The following CENPI variants were observed in gnomAD, a reference collection of about 807,000 sequenced individuals.
CENPI encodes FSH primary response 1.
CENPI carries 4 observed loss-of-function variants against 60.4 expected under a neutral mutation model. The ratio of observed to expected loss-of-function variants is 0.07; its 90% CI spans 0.03 to 0.15. The LOEUF is 0.15. CENPI is among the 10% of genes least tolerant of loss of function. The probability of loss-of-function intolerance (pLI) is 1.00; values close to 1 mark genes in which losing one functional copy is unlikely to be tolerated. For synonymous variants in CENPI, 157 were observed against 189.4 expected, an observed-to-expected ratio of 0.83 and a Z score of 1.40; for missense variants, 444 against 534.5, an observed-to-expected ratio of 0.83 and a Z score of 1.67.
chrX:101,124,919 TACA>T (rs2089719117), intron 8 of CENPI, among the ~76,000 whole-genome samples: 1 of 111,654 alleles, frequency 9.0e-6, no homozygotes, highest in African/African-American at 3.3e-5. Context: ...AGTGGGCTAA[TACA>T]TCATCACAGG....
At chrX:101,141,004 T>C in intron 16 of CENPI, 2 of 257,859 alleles carry the variant, frequency 7.8e-6, no homozygotes, top group Non-Finnish European at 1.4e-5. Flanking sequence ...CAAGAGTTAA[T>C]ATAACAAAAC....
chrX:101,103,579 G>A (rs1039603280), intron 4 of CENPI, among the ~76,000 whole-genome samples: 4 of 111,391 alleles, frequency 3.6e-5, no homozygotes, highest in African/African-American at 1.3e-4. Flanking sequence ...GACCTCAGGT[G>A]ATCCGCCCAC....
intron 4 of CENPI, among the ~76,000 whole-genome samples, chrX:101,108,346 A>G (rs975175513): frequency 9.4e-6 from 1 of 106,141 alleles, no homozygotes; most frequent in Non-Finnish European, 2.0e-5. Flanking sequence ...AGGAGGCACC[A>G]CCATGCCCAG....
the CENPI span, among the ~76,000 whole-genome samples, chrX:101,175,288 G>T: frequency 4.5e-5 from 5 of 112,142 alleles, no homozygotes; most frequent in Non-Finnish European, 7.5e-5. Flanking sequence ...TCTGTTGATT[G>T]TTTCCTTTGC....
intron 15 of CENPI, among the ~76,000 whole-genome samples, chrX:101,135,782 G>A (rs1052553441): frequency 7.2e-5 from 8 of 111,245 alleles, no homozygotes; most frequent in Admixed American, 1.9e-4. Context: ...GTGCAGTGGC[G>A]TGATCTTGGC....
At position 101,109,581 on chromosome X, in the gene CENPI, G is replaced by A. The variant is rs751982970; in HGVS notation, c.473G>A (p.Gly158Asp). ...VSWLCVGKCS[G>D]STKVLFYRWL... ...TGGCTTTGTGTTGGCAAGTGTTCTG[G>A]TAGCACCAAGGTAATCTTTTTAAAC... Residue 158 changes from glycine to aspartate, a missense_variant, in exon 5 of 22, where the codon GGT (glycine) becomes GAT (aspartate). By Grantham distance (94) the Gly-to-Asp change is moderately conservative. Coordinates refer to ENST00000682095, the MANE Select transcript of CENPI (RefSeq NM_001386188.2). The A allele has an allele frequency of 8.4e-7, 1 of 1,186,734 alleles. No individual in the cohort carries two copies. The highest frequency in any genetic ancestry group is 1.1e-6 in the Non-Finnish European group (1 of 873,060).
chrX:101,168,336 C>T (rs753874606), downstream of CENPI, among the ~76,000 whole-genome samples: 3 of 111,730 alleles, frequency 2.7e-5, no homozygotes, highest in South Asian at 1.1e-3. Flanking sequence ...GAGGCTGAGG[C>T]GGGTGGATCA....
At chrX:101,150,482 C>T (rs2089998038) in intron 20 of CENPI, among the ~76,000 whole-genome samples, 1 of 109,836 alleles carries the variant, frequency 9.1e-6, no homozygotes, top group Non-Finnish European at 1.9e-5. Flanking sequence ...GTGATCCTCC[C>T]ATCTCTGCCT....
At chrX:101,137,609 A>G (rs2089860552) in intron 15 of CENPI, among the ~76,000 whole-genome samples, 1 of 111,753 alleles carries the variant, frequency 8.9e-6, no homozygotes, top group Non-Finnish European at 1.9e-5. Context: ...TTGATAGAAT[A>G]TGGTGACTGA....
chrX:101,168,118 A>C (rs887625042), downstream of CENPI, among the ~76,000 whole-genome samples: 2 of 112,906 alleles, frequency 1.8e-5, no homozygotes, highest in African/African-American at 6.4e-5. Context: ...GGTGATATGG[A>C]AAAGTGTACA....
chrX:101,142,680 A>T (rs2089924957), intron 16 of CENPI, among the ~76,000 whole-genome samples: 1 of 111,493 alleles, frequency 9.0e-6, no homozygotes, highest in Non-Finnish European at 1.9e-5. Flanking sequence ...GAATTGTTTC[A>T]TCCAAAATGC....
At chrX:101,179,674 C>CT in the CENPI span, among the ~76,000 whole-genome samples, 1 of 111,551 alleles carries the variant, frequency 9.0e-6, no homozygotes, top group Non-Finnish European at 1.9e-5. Context: ...GCGCCTGCCA[C>CT]ATGCCCAGAT....
In CENPI at chrX:101,107,934, T is replaced by A. The variant is rs186416223; in HGVS notation, c.365-1539T>A. On this transcript the variant is annotated intron_variant, in intron 4 of 21. Transcript: ENST00000682095. ...ACCTGGCCTAATTTTGTATTTTTTT[T>A]ATTAGAGATGGGGTTTCATCACCTT... Among the ~76,000 whole-genome samples, 868 of 107,563 alleles carry A rather than the reference T, an allele frequency of 8.1e-3. 10 individuals carry two copies. Among genetic ancestry groups the A allele is most frequent in the African/African-American group, 0.028 (814 of 29,440 alleles). The allele number at this position is 107,563 out of a possible 115,157, so 93.4% of individuals were successfully genotyped here. A position where few individuals can be genotyped will look rare whatever the true frequency, so the allele number is the denominator to read the frequency against.
At chrX:101,173,796 C>A in the CENPI span, among the ~76,000 whole-genome samples, 5 of 109,952 alleles carry the variant, frequency 4.5e-5, no homozygotes, top group Admixed American at 4.9e-4. Context: ...AAAATTGAAT[C>A]TTATAAAAAA....
intron 4 of CENPI, among the ~76,000 whole-genome samples, chrX:101,105,473 G>A (rs781289124): frequency 1.4e-3 from 160 of 112,070 alleles, no homozygotes; most frequent in Non-Finnish European, 2.5e-3. Flanking sequence ...GCAGTGAGCC[G>A]AGGTCATGCC....
the CENPI span, among the ~76,000 whole-genome samples, chrX:101,171,718 T>TACATTACAG: frequency 1.8e-5 from 2 of 112,347 alleles, no homozygotes; most frequent in African/African-American, 6.5e-5. Context: ...TGTGCCACTA[T>TACATTACAG]GCCTGGCCTT....
intron 3 of CENPI, 70 bp from the exon 4 acceptor site, chrX:101,102,204 T>C (rs2089424090): frequency 1.2e-6 from 1 of 856,376 alleles, no homozygotes; most frequent in Non-Finnish European, 1.6e-6. Flanking sequence ...AGTTCCAAAT[T>C]CTTATTATTG....
At chrX:101,102,230 A>G in intron 3 of CENPI, 44 bp from the exon 4 acceptor site, 2 of 1,017,115 alleles carry the variant, frequency 2.0e-6, no homozygotes. Context: ...GAAGACTGAA[A>G]TAATTTTAAA....
intron 4 of CENPI, among the ~76,000 whole-genome samples, chrX:101,109,075 G>GTT (rs869245080): frequency 0.035 from 1,651 of 47,017 alleles, 7 homozygotes; most frequent in Non-Finnish European, 0.04. Context: ...GAGGTGTGGT[G>GTT]TTTTTTTTTT....
Sources: allele counts gnomAD v4.1 joint callset (sites outside exome capture counted in the v4.1 genomes callset), GRCh38; gene constraint gnomAD v4.1.1; transcripts MANE v1.5; gene names NCBI Gene and HGNC (gene_info 2026-07-23, HGNC 2026-07-21).